Variants in PTPRN2 observed in about 807,000 individuals in gnomAD.
PTPRN2 encodes receptor-type tyrosine-protein phosphatase N2.
In PTPRN2, 74 loss-of-function variants were observed where a neutral mutation model predicts 118.8. The observed-to-expected ratio is 0.62, with a 90% CI of 0.52 to 0.76. PTPRN2 has a LOEUF of 0.76. PTPRN2 is among the 30% of genes least tolerant of loss of function. PTPRN2 has a pLI of 0.00. For synonymous variants in PTPRN2, 641 were observed against 608.0 expected (o/e 1.05, Z -0.80); for missense variants, 1,481 against 1,394.4 (o/e 1.06, Z -0.99).
chr7:158,435,742 T>C (rs1369217347), intron 2 of PTPRN2, among the ~76,000 whole-genome samples: 1 of 152,276 alleles, frequency 6.6e-6, no homozygotes, highest in Admixed American at 6.5e-5. Context: ...TTACTCAGCC[T>C]TAAAAAAGAA....
At chr7:158,308,260 C>A (rs1289477598) in intron 3 of PTPRN2, among the ~76,000 whole-genome samples, 1 of 152,110 alleles carries the variant, frequency 6.6e-6, no homozygotes, top group Admixed American at 6.6e-5. Context: ...GAAAATCGAT[C>A]CTTCAAAACT....
chr7:157,765,145 T>A (rs1038034815), intron 12 of PTPRN2, among the ~76,000 whole-genome samples: 2 of 149,366 alleles, frequency 1.3e-5, no homozygotes, highest in Admixed American at 6.7e-5. Flanking sequence ...CCATCCTTCA[T>A]CCATCCATCC....
Position 157,621,465 on chromosome 7 carries a change from C to T in PTPRN2, c.2241G>A (p.Lys747=). 6.2e-7 allele frequency: 1 copy of T among 1,614,002 alleles called. No homozygotes were observed. Among genetic ancestry groups the T allele is most frequent in the Non-Finnish European group, 8.5e-7 (1 of 1,180,038 alleles). Residue 747 remains lysine, a synonymous_variant, in exon 15 of 23, where the codon AAG becomes AAA. Transcript: ENST00000389418. ...DHLKNKNRLE[K]EWEALCAYQA... Reference sequence around the variant, plus strand: ...GGTAGGCGCACAGCGCTTCCCACTCCTTCTCCAGCCGGTTCTTGTTCTTCA... The same window carrying T: ...GGTAGGCGCACAGCGCTTCCCACTCTTTCTCCAGCCGGTTCTTGTTCTTCA...
intron 1 of PTPRN2, among the ~76,000 whole-genome samples, chr7:158,571,519 C>G (rs910956078): frequency 3.0e-5 from 4 of 133,434 alleles, no homozygotes; most frequent in Non-Finnish European, 6.3e-5. Flanking sequence ...AAACACACAC[C>G]TATTTCTTTT....
intron 10 of PTPRN2, among the ~76,000 whole-genome samples, chr7:158,099,035 C>CCCCCAACATCCCAGCTGCCTCCCCTTCCT (rs1814946990): frequency 1.4e-4 from 1 of 7,142 alleles, no homozygotes; most frequent in Non-Finnish European, 2.8e-4. Flanking sequence ...TCCCCTTCCT[C>CCCCCAACATCCCAGCTGCCTCCCCTTCCT]CCCCCAACAC....
chr7:157,812,561 T>C (rs1280548978), intron 12 of PTPRN2, among the ~76,000 whole-genome samples: 1 of 152,024 alleles, frequency 6.6e-6, no homozygotes, highest in Non-Finnish European at 1.5e-5. Context: ...TTCTTAATGG[T>C]GAAAAGAAAG....
Position 157,960,933 on chromosome 7 carries a change from G to A in PTPRN2, c.1724-62196C>T, listed in dbSNP as rs145316013. ...GAGGCAGGAGAATCACTTGAACACA[G>A]GACGGGGAGGTTGCAGTGAGCCAAG... On this transcript the variant is annotated intron_variant, in intron 11 of 22. Coordinates refer to ENST00000389418, the MANE Select transcript of PTPRN2 (RefSeq NM_002847.5). Among the ~76,000 whole-genome samples the A allele has an allele frequency of 4.5e-3, 689 of 152,356 alleles. 3 individuals are homozygous for A. The highest frequency in any genetic ancestry group is 0.016 in the African/African-American group (670 of 41,590).
At chr7:158,199,553 C>G (rs937388386) in intron 4 of PTPRN2, among the ~76,000 whole-genome samples, 1 of 152,210 alleles carries the variant, frequency 6.6e-6, no homozygotes, top group African/African-American at 2.4e-5. Flanking sequence ...CAGCAAGTTA[C>G]TCAATCTCTG....
At chr7:158,238,904 G>A (rs529716633) in intron 3 of PTPRN2, among the ~76,000 whole-genome samples, 39 of 152,118 alleles carry the variant, frequency 2.6e-4, no homozygotes, top group African/African-American at 7.5e-4. Context: ...AGGTGTGAAG[G>A]CCACGCAGCC....
At chr7:158,477,685 A>C (rs1158756905) in intron 2 of PTPRN2, among the ~76,000 whole-genome samples, 1 of 152,034 alleles carries the variant, frequency 6.6e-6, no homozygotes, top group East Asian at 1.9e-4. Flanking sequence ...AAAGCAAAAA[A>C]CTCTTTGACA....
At chr7:158,481,778 A>G (rs1368085056) in intron 2 of PTPRN2, among the ~76,000 whole-genome samples, 1 of 152,214 alleles carries the variant, frequency 6.6e-6, no homozygotes, top group Non-Finnish European at 1.5e-5. Context: ...TATATTTTAG[A>G]AACACACTTT....
At chr7:158,422,680 T>C (rs1815355310) in intron 2 of PTPRN2, among the ~76,000 whole-genome samples, 1 of 151,260 alleles carries the variant, frequency 6.6e-6, no homozygotes, top group Non-Finnish European at 1.5e-5. Flanking sequence ...AGGCTGACGC[T>C]GCCGGCTTCT....
rs1486444413 is a variant in PTPRN2, at chr7:158,565,833, T to G, written c.112+21725A>C. On this transcript the variant is annotated intron_variant, in intron 1 of 22. Transcript: ENST00000389418. The surrounding 1 kb of genome is among the most constrained non-coding windows in gnomAD (Gnocchi z 4.6). ...AGATCTGCCTATTGTCTCTGCCAGA[T>G]GCAGGATATTCTGATGAGGAAACCG... Among the ~76,000 whole-genome samples, 2 of 152,188 alleles carry G rather than the reference T, an allele frequency of 1.3e-5. No individual in the cohort carries two copies. Among genetic ancestry groups the G allele is most frequent in the African/African-American group, 4.8e-5 (2 of 41,440 alleles).
intron 11 of PTPRN2, among the ~76,000 whole-genome samples, chr7:157,919,841 A>G (rs966998504): frequency 6.6e-6 from 1 of 152,228 alleles, no homozygotes; most frequent in Non-Finnish European, 1.5e-5. Context: ...CCATAAGAGT[A>G]TGACGGAGCT....
At chr7:158,159,463 T>C (rs73514489) in intron 6 of PTPRN2, among the ~76,000 whole-genome samples, 1 of 152,206 alleles carries the variant, frequency 6.6e-6, no homozygotes, top group Non-Finnish European at 1.5e-5. Context: ...GAGGTTGCAA[T>C]GTGAAATTCA....
chr7:158,539,927 T>C, intron 1 of PTPRN2: 1 of 229,286 alleles, frequency 4.4e-6, no homozygotes, highest in Non-Finnish European at 8.7e-6. Flanking sequence ...ACTGTGAGCC[T>C]GGACCTGGTG....
intron 11 of PTPRN2, among the ~76,000 whole-genome samples, chr7:158,020,172 CG>C (rs1374659911): frequency 2.6e-5 from 4 of 152,168 alleles, no homozygotes; most frequent in Non-Finnish European, 5.9e-5. Flanking sequence ...CAGTGCTGCC[CG>C]TTATTGCTGC....
chr7:157,696,009 C>T (rs1290284082), intron 12 of PTPRN2, among the ~76,000 whole-genome samples: 2 of 149,196 alleles, frequency 1.3e-5, no homozygotes, highest in African/African-American at 5.0e-5. Flanking sequence ...CCCATGCATA[C>T]TGGGTCTTGG....
intron 11 of PTPRN2, among the ~76,000 whole-genome samples, chr7:158,063,241 T>C (rs1585309608): frequency 6.6e-6 from 1 of 152,276 alleles, no homozygotes; most frequent in East Asian, 1.9e-4. Flanking sequence ...TAAGGGACTG[T>C]AAATACACCA....
Sources: allele counts gnomAD v4.1 joint callset (sites outside exome capture counted in the v4.1 genomes callset), GRCh38; gene constraint gnomAD v4.1.1; non-coding constraint Gnocchi (gnomAD v3.1); transcripts MANE v1.5; gene names NCBI Gene and HGNC (gene_info 2026-07-23, HGNC 2026-07-21).